NTRK2: variants seen among roughly 807,000 people sequenced by gnomAD.
NTRK2 encodes neurotrophic receptor tyrosine kinase 2, also known as BDNF/NT-3 growth factors receptor.
In NTRK2, 13 loss-of-function variants were observed where a neutral mutation model predicts 94.5. The observed-to-expected ratio is 0.14, with a 90% confidence interval of 0.09 to 0.22. NTRK2 has a LOEUF of 0.22. Among genes scored for constraint, NTRK2 ranks in the 10% least tolerant of loss-of-function variants. The pLI, the probability that NTRK2 is intolerant of heterozygous loss-of-function variation, is 1.00. For synonymous variants in NTRK2, 372 were observed against 407.4 expected (o/e 0.91, Z 1.05); for missense variants, 639 against 1,071.2 (o/e 0.60, Z 5.63).
intron 12 of NTRK2, among the ~76,000 whole-genome samples, chr9:84,788,513 T>C (rs1232934007): frequency 6.6e-6 from 1 of 152,166 alleles, no homozygotes; most frequent in Non-Finnish European, 1.5e-5. Flanking sequence ...ACCCCAGTCC[T>C]AGAGACCAGA....
chr9:84,911,899 A>T (rs966514707), intron 14 of NTRK2, among the ~76,000 whole-genome samples: 1 of 151,798 alleles, frequency 6.6e-6, no homozygotes, highest in Non-Finnish European at 1.5e-5. Context: ...TAGTGCTATA[A>T]TTTTTCTCTC....
chr9:84,997,223 G>A (rs1829857457), intron 17 of NTRK2, among the ~76,000 whole-genome samples: 1 of 152,200 alleles, frequency 6.6e-6, no homozygotes. Flanking sequence ...TTAGACCTGG[G>A]CAGGTGCAGC....
At chr9:84,999,244 C>T (rs4388525) in intron 17 of NTRK2, among the ~76,000 whole-genome samples, 110,608 of 151,746 alleles carry the variant, frequency 0.73, 40,941 homozygotes, top group African/African-American at 0.82. Context: ...ATTGCCTGGG[C>T]TCCTTGAAGC....
chr9:84,873,315 T>C, intron 14 of NTRK2: 1 of 1,059,054 alleles, frequency 9.4e-7, no homozygotes, highest in Non-Finnish European at 1.1e-6. Flanking sequence ...GCCTGCACTT[T>C]AAAAATAAGC....
At chr9:84,964,524 G>A (rs1825332180) in intron 17 of NTRK2, among the ~76,000 whole-genome samples, 2 of 152,254 alleles carry the variant, frequency 1.3e-5, no homozygotes, top group South Asian at 2.1e-4. Context: ...GGTATTCAAC[G>A]GGCATCCTCT....
intron 13 of NTRK2, among the ~76,000 whole-genome samples, chr9:84,861,587 T>A (rs2075342603): frequency 6.6e-6 from 1 of 152,206 alleles, no homozygotes; most frequent in Non-Finnish European, 1.5e-5. Context: ...TTGCATTCTA[T>A]TCCCTGCATT....
At chr9:84,800,240 T>C (rs545740032) in intron 12 of NTRK2, among the ~76,000 whole-genome samples, 49 of 152,006 alleles carry the variant, frequency 3.2e-4, no homozygotes, top group Non-Finnish European at 6.9e-4. Context: ...TCTCGCTCTG[T>C]CGCCCAGGCT....
At position 84,702,425 on chromosome 9, in the gene NTRK2, T is replaced by C. The variant is rs1304686293; in HGVS notation, c.359+6T>C. 2 of 1,610,954 alleles carry C rather than the reference T, an allele frequency of 1.2e-6. No homozygotes were observed. The highest frequency in any genetic ancestry group is 1.3e-5 in the African/African-American group (1 of 74,838). ...AACAGCAACCTGCAGCACATGTAAGTAGAGATTGATTCTTTTGCTTCCCAG... is the reference window on the plus strand; with the variant it reads ...AACAGCAACCTGCAGCACATGTAAGCAGAGATTGATTCTTTTGCTTCCCAG... On this transcript the variant is annotated splice_donor_region_variant and intron_variant, in intron 4 of 18. Transcript: ENST00000277120.
chr9:84,835,154 T>C (rs569535168), intron 12 of NTRK2, among the ~76,000 whole-genome samples: 4 of 152,314 alleles, frequency 2.6e-5, no homozygotes, highest in Non-Finnish European at 4.4e-5. Flanking sequence ...ATCTGGGAGC[T>C]TGAATTCACC....
chr9:84,755,910 G>A (rs965041243), intron 12 of NTRK2, among the ~76,000 whole-genome samples: 2 of 151,972 alleles, frequency 1.3e-5, no homozygotes, highest in African/African-American at 4.8e-5. Flanking sequence ...GATGTCAAGG[G>A]GTAGAATATC....
At chr9:84,829,513 C>T (rs532883917) in intron 12 of NTRK2, among the ~76,000 whole-genome samples, 2 of 152,138 alleles carry the variant, frequency 1.3e-5, no homozygotes, top group Admixed American at 6.5e-5. Context: ...TTTCTCTAAA[C>T]GAAATAGCCA....
At chr9:84,832,796 C>T (rs1213693646) in intron 12 of NTRK2, among the ~76,000 whole-genome samples, 5 of 152,152 alleles carry the variant, frequency 3.3e-5, no homozygotes, top group East Asian at 1.9e-4. Context: ...GTCTGTTTTA[C>T]GGAAGTGCTC....
At chr9:84,857,879 A>G (rs1413110067) in intron 12 of NTRK2, among the ~76,000 whole-genome samples, 1 of 152,052 alleles carries the variant, frequency 6.6e-6, no homozygotes, top group African/African-American at 2.4e-5. Context: ...TGAGCTTCAG[A>G]CCATCCTGCC....
chr9:84,709,649 C>A (rs930879878), intron 5 of NTRK2, among the ~76,000 whole-genome samples: 5 of 152,040 alleles, frequency 3.3e-5, no homozygotes, highest in African/African-American at 1.2e-4. Context: ...CCTGTCTTCA[C>A]GGAAATCTTA....
intron 12 of NTRK2, among the ~76,000 whole-genome samples, chr9:84,822,926 A>T (rs2072944035): frequency 6.6e-6 from 1 of 152,070 alleles, no homozygotes; most frequent in African/African-American, 2.4e-5. Context: ...CACTTAACAG[A>T]TATGCTCATT....
chr9:85,024,864 C>A lies in NTRK2; in HGVS notation c.*3427C>A, dbSNP rs1832956702. On this transcript the variant is annotated 3_prime_UTR_variant, in exon 19 of 19. Coordinates refer to ENST00000277120, the MANE Select transcript of NTRK2 (RefSeq NM_006180.6). ...AGATTATATCAGAATTCATATTATA[C>A]ATGTGTTCACATCAGCGCTACCTGT... 8.6e-6 allele frequency: 2 copies of A among 232,928 alleles called. No homozygotes were observed. The highest frequency in any genetic ancestry group is 6.1e-5 in the East Asian group (1 of 16,482). The allele number at this position is 232,928 out of a possible 1,614,324, so 14.4% of individuals were successfully genotyped here.
chr9:84,982,978 C>A (rs2133244498), intron 17 of NTRK2, among the ~76,000 whole-genome samples: 1 of 151,874 alleles, frequency 6.6e-6, no homozygotes, highest in South Asian at 2.1e-4. Context: ...CTAATTTATA[C>A]CCCATGTGAC....
At chr9:84,797,881 GTAA>G (rs754717054) in intron 12 of NTRK2, among the ~76,000 whole-genome samples, 11 of 107,760 alleles carry the variant, frequency 1.0e-4, no homozygotes, top group South Asian at 7.5e-4. Flanking sequence ...ATATAATATA[GTAA>G]TAATTATTAT....
At chr9:84,930,554 T>C (rs2077988271) in intron 14 of NTRK2, among the ~76,000 whole-genome samples, 2 of 152,112 alleles carry the variant, frequency 1.3e-5, no homozygotes, top group African/African-American at 2.4e-5. Flanking sequence ...TGGCGTCCAA[T>C]TGAGAGGCTT....
Sources: allele counts gnomAD v4.1 joint callset (sites outside exome capture counted in the v4.1 genomes callset), GRCh38; gene constraint gnomAD v4.1.1; transcripts MANE v1.5; gene names NCBI Gene and HGNC (gene_info 2026-07-23, HGNC 2026-07-21).